SEC14L1: variants seen among roughly 807,000 people sequenced by gnomAD.
SEC14L1 encodes SEC14-like protein 1.
Under a neutral mutation model 85.3 loss-of-function variants are expected in SEC14L1, and 48 were observed. The ratio of observed to expected loss-of-function variants is 0.56; its 90% CI spans 0.45 to 0.72. The LOEUF is 0.72. Among genes scored for constraint, SEC14L1 ranks in the 30% least tolerant of loss-of-function variants. SEC14L1 has a pLI of 0.00. For synonymous variants in SEC14L1, 391 were observed against 355.5 expected (o/e 1.10, Z -1.12); for missense variants, 682 against 921.4 (o/e 0.74, Z 3.36).
At chr17:77,173,456 T>A (rs543372320) in intron 3 of SEC14L1, among the ~76,000 whole-genome samples, 73 of 151,652 alleles carry the variant, frequency 4.8e-4, no homozygotes, top group African/African-American at 1.7e-3. Context: ...CCATGTGGGT[T>A]GCTTAGGGGT....
chr17:77,105,839 T>G (rs1346079579), intron 3 of SEC14L1, among the ~76,000 whole-genome samples: 2 of 152,124 alleles, frequency 1.3e-5, no homozygotes, highest in African/African-American at 4.8e-5. Flanking sequence ...AACAGCTGTT[T>G]AGGTGATTGC....
chr17:77,149,746 A>G (rs551849592), intron 3 of SEC14L1, among the ~76,000 whole-genome samples: 1 of 152,300 alleles, frequency 6.6e-6, no homozygotes, highest in African/African-American at 2.4e-5. Flanking sequence ...GTTTTCAGAC[A>G]AGAGATTTAT....
intron 3 of SEC14L1, among the ~76,000 whole-genome samples, chr17:77,162,509 C>T (rs1598325853): frequency 6.6e-6 from 1 of 152,054 alleles, no homozygotes; most frequent in Non-Finnish European, 1.5e-5. Context: ...ATTTTGACTG[C>T]ATTATTACCA....
chr17:77,155,719 C>T (rs59908769), intron 3 of SEC14L1, among the ~76,000 whole-genome samples: 2,628 of 151,922 alleles, frequency 0.017, 91 homozygotes, highest in African/African-American at 0.06. Flanking sequence ...AGTGCCTGCA[C>T]CTCATCTTTA....
At chr17:77,101,827 C>T (rs1971784804) in intron 3 of SEC14L1, among the ~76,000 whole-genome samples, 2 of 152,194 alleles carry the variant, frequency 1.3e-5, no homozygotes, top group Non-Finnish European at 2.9e-5. Context: ...CTCATTTACA[C>T]GTTGATGTAA....
At chr17:77,110,496 T>C (rs1361817936) in intron 3 of SEC14L1, among the ~76,000 whole-genome samples, 1 of 151,806 alleles carries the variant, frequency 6.6e-6, no homozygotes, top group Non-Finnish European at 1.5e-5. Context: ...CCTCAGGAGG[T>C]CCTGAGAACA....
chr17:77,205,248 G>T (rs1976406622), intron 10 of SEC14L1, 28 bp from the exon 11 acceptor site: 2 of 1,603,246 alleles, frequency 1.2e-6, no homozygotes, highest in South Asian at 1.1e-5. Flanking sequence ...ACTAATCATG[G>T]TAAATTTTCA....
rs182649721 is a variant in SEC14L1, at chr17:77,104,692, A to G, written c.-136+11345A>G. Among the ~76,000 whole-genome samples the G allele has an allele frequency of 3.4e-3, 516 of 150,490 alleles. 3 individuals carry two copies. The highest frequency in any genetic ancestry group is 0.012 in the African/African-American group (484 of 41,034). On this transcript the variant is annotated intron_variant, in intron 3 of 19. Transcript: ENST00000392476. ...TGGAATCCCAGCTACTCAGGAGGCT[A>G]AGGCAGGAGAATCGCTTGAACCCAG...
chr17:77,145,314 A>G (rs546451288), intron 3 of SEC14L1, among the ~76,000 whole-genome samples: 2 of 152,230 alleles, frequency 1.3e-5, no homozygotes, highest in South Asian at 4.2e-4. Context: ...ATACAGTGAA[A>G]TGGTCACGTG....
intron 3 of SEC14L1, among the ~76,000 whole-genome samples, chr17:77,134,721 ACT>A (rs769934647): frequency 1.4e-4 from 22 of 151,976 alleles, no homozygotes; most frequent in African/African-American, 2.4e-5. Flanking sequence ...ACCGAGCAAA[ACT>A]CTGTCTCAAA....
intron 3 of SEC14L1, among the ~76,000 whole-genome samples, chr17:77,120,931 CAG>C (rs910118924): frequency 6.6e-6 from 1 of 152,166 alleles, no homozygotes; most frequent in African/African-American, 2.4e-5. Context: ...AGGCAGGGAA[CAG>C]AGCATCGTTT....
At chr17:77,185,146 G>A in intron 3 of SEC14L1, 1 of 876,130 alleles carries the variant, frequency 1.1e-6, no homozygotes, top group Non-Finnish European at 1.4e-6. Context: ...TTTGGACAAG[G>A]ACTTTGTTTT....
chr17:77,161,934 C>CT lies in SEC14L1; in HGVS notation c.63+18288dup, dbSNP rs904201608. ...TCTTCTTTTCTTCTTTCTTCTTCTT[C>CT]TTTTTTTTTTTTTAAACAAACCCTT... On this transcript the variant is annotated intron_variant, in intron 3 of 16. Coordinates refer to ENST00000436233, the MANE Select transcript of SEC14L1 (RefSeq NM_001143998.2). Among the ~76,000 whole-genome samples the CT allele has an allele frequency of 4.5e-3, 519 of 115,264 alleles. 1 individual carries two copies. Among genetic ancestry groups the CT allele is most frequent in the African/African-American group, 9.9e-3 (313 of 31,636 alleles). 75.6% of individuals were successfully genotyped at this position (115,264 alleles called of 152,430 possible). A position where few individuals can be genotyped will look rare whatever the true frequency, so the allele number is the denominator to read the frequency against.
chr17:77,144,259 A>G (rs1260519673), intron 3 of SEC14L1, among the ~76,000 whole-genome samples: 4 of 152,272 alleles, frequency 2.6e-5, no homozygotes, highest in East Asian at 3.9e-4. Context: ...AAGATATAAC[A>G]TACATACCAG....
chr17:77,157,619 CCAGGT>C (rs1249029807), intron 3 of SEC14L1, among the ~76,000 whole-genome samples: 1 of 152,022 alleles, frequency 6.6e-6, no homozygotes, highest in East Asian at 1.9e-4. Flanking sequence ...CCTCCACCTC[CCAGGT>C]TCAAGCGATT....
At chr17:77,162,014 C>A (rs1205456286) in intron 3 of SEC14L1, among the ~76,000 whole-genome samples, 3 of 151,300 alleles carry the variant, frequency 2.0e-5, no homozygotes, top group African/African-American at 7.3e-5. Context: ...CTGCTACATA[C>A]AAATCCCCGA....
chr17:77,143,907 T>G (rs928825275), intron 3 of SEC14L1: 2 of 350,092 alleles, frequency 5.7e-6, no homozygotes, highest in African/African-American at 4.3e-5. Flanking sequence ...ATTCTCCCTT[T>G]GAACACACAG....
Position 77,200,569 on chromosome 17 carries a change from T to G in SEC14L1, c.905T>G (p.Leu302Trp), listed in dbSNP as rs1010662538. 1 of 1,614,154 alleles carries G rather than the reference T, an allele frequency of 6.2e-7. No homozygotes were observed. Among genetic ancestry groups the G allele is most frequent in the African/African-American group, 1.3e-5 (1 of 75,056 alleles). Residue 302 changes from leucine (L) to tryptophan (W), a missense_variant, in exon 9 of 17, where the codon TTG becomes TGG. Leu to Trp is a moderately conservative substitution (Grantham distance 61). Transcript: ENST00000436233. ...DKAREIMCQSLTWRKQHQVDY... is the reference protein window; with the variant it reads ...DKAREIMCQSWTWRKQHQVDY... ...GCCAGAGAGATCATGTGTCAGTCTT[T>G]GACGTGGAGAAAGCAGCATCAGGTA...
chr17:77,177,165 C>T (rs1974795285), intron 3 of SEC14L1, among the ~76,000 whole-genome samples: 1 of 151,452 alleles, frequency 6.6e-6, no homozygotes, highest in African/African-American at 2.4e-5. Flanking sequence ...CATCAAGGAA[C>T]ACATGTGACA....
Sources: gnomAD v4.1 joint callset for allele counts (sites outside exome capture counted in the v4.1 genomes callset) on GRCh38, gnomAD v4.1.1 for gene constraint, MANE v1.5 for transcripts, NCBI Gene and HGNC (gene_info 2026-07-23, HGNC 2026-07-21) for gene names.